Variants in CHST11 observed in about 807,000 individuals in gnomAD.
CHST11 encodes the protein C4S-1.
A neutral mutation model predicts 30.4 loss-of-function variants in CHST11; 9 were observed. That is an observed-to-expected ratio of 0.30 (90% CI 0.18 to 0.52). CHST11 has a LOEUF of 0.52. CHST11 is among the 20% of genes least tolerant of loss of function. The pLI is 0.97. For synonymous variants in CHST11, 152 were observed against 187.8 expected, an observed-to-expected ratio of 0.81 and a Z score of 1.56; for missense variants, 348 against 460.6, an observed-to-expected ratio of 0.76 and a Z score of 2.24.
intron 2 of CHST11, among the ~76,000 whole-genome samples, chr12:104,700,105 A>C (rs150004504): frequency 6.6e-6 from 1 of 152,360 alleles, no homozygotes; most frequent in East Asian, 1.9e-4. Context: ...TTTTACATTT[A>C]AAACACTGGC....
At chr12:104,563,219 T>C (rs1297969876) in intron 1 of CHST11, among the ~76,000 whole-genome samples, 1 of 152,146 alleles carries the variant, frequency 6.6e-6, no homozygotes, top group Non-Finnish European at 1.5e-5. Flanking sequence ...TTTTGTATTT[T>C]CAGTAGAGAT....
At position 104,457,353 on chromosome 12, in the gene CHST11, G is replaced by T; in HGVS notation, c.-59G>T. 7.6e-7 allele frequency: 1 copy of T among 1,311,758 alleles called. No individual in the cohort carries two copies. Among genetic ancestry groups the T allele is most frequent in the Non-Finnish European group, 1.1e-6 (1 of 917,370 alleles). The allele number at this position is 1,311,758 out of a possible 1,614,324, so 81.3% of individuals were successfully genotyped here. A position where few individuals can be genotyped will look rare whatever the true frequency, so the allele number is the denominator to read the frequency against. ...CTCCGGTCCGCGCGGCGGGGTCCCT[G>T]CTCCTGCGCCCCGGGCGCGCTTCCC... is the stretch of plus-strand genomic sequence containing the variant. On this transcript the variant is annotated 5_prime_UTR_variant, in exon 1 of 3. Transcript: ENST00000303694.
chr12:104,726,351 A>G (rs61493287), intron 2 of CHST11, among the ~76,000 whole-genome samples: 1,712 of 152,326 alleles, frequency 0.011, 34 homozygotes, highest in African/African-American at 0.038. Context: ...CCACGCTTGA[A>G]GCAGACACTG....
chr12:104,618,029 C>T (rs968702221), intron 2 of CHST11, among the ~76,000 whole-genome samples: 4 of 151,798 alleles, frequency 2.6e-5, no homozygotes, highest in Non-Finnish European at 5.9e-5. Context: ...CTGCCTCAGC[C>T]TCCCGAGTAG....
intron 1 of CHST11, among the ~76,000 whole-genome samples, chr12:104,547,837 TA>T (rs2038366035): frequency 6.6e-6 from 1 of 152,080 alleles, no homozygotes; most frequent in Non-Finnish European, 1.5e-5. Flanking sequence ...CTCTGTGGAT[TA>T]AAAAAAAGGA....
chr12:104,610,529 C>A (rs1456513199), intron 2 of CHST11, among the ~76,000 whole-genome samples: 1 of 152,190 alleles, frequency 6.6e-6, no homozygotes, highest in East Asian at 1.9e-4. Flanking sequence ...GCTGTACAAT[C>A]TGCCATTTTC....
At chr12:104,606,357 G>A (rs542940956) in intron 2 of CHST11, among the ~76,000 whole-genome samples, 3 of 152,146 alleles carry the variant, frequency 2.0e-5, no homozygotes, top group Non-Finnish European at 4.4e-5. Context: ...GAGAAGGAAG[G>A]TCGGAAGGAA....
At chr12:104,696,938 C>T (rs1394456645) in intron 2 of CHST11, among the ~76,000 whole-genome samples, 1 of 152,198 alleles carries the variant, frequency 6.6e-6, no homozygotes, top group Non-Finnish European at 1.5e-5. Context: ...ATGTCCAGCC[C>T]TGTGGATCCC....
At chr12:104,705,397 G>A (rs1265856607) in intron 2 of CHST11, among the ~76,000 whole-genome samples, 3 of 152,148 alleles carry the variant, frequency 2.0e-5, no homozygotes, top group South Asian at 4.1e-4. Flanking sequence ...GGGGTCGCAG[G>A]TATGTAAAGG....
At position 104,600,582 on chromosome 12, in the gene CHST11, A is replaced by G. The variant is rs2038948649; in HGVS notation, c.119-1324A>G. Among the ~76,000 whole-genome samples the G allele has an allele frequency of 6.6e-6, 1 of 152,214 alleles. No individual in the cohort carries two copies. Among genetic ancestry groups the G allele is most frequent in the South Asian group, 2.1e-4 (1 of 4,834 alleles). On this transcript the variant is annotated intron_variant, in intron 1 of 2. Transcript: ENST00000303694. The surrounding 1 kb of genome is among the most constrained non-coding windows in gnomAD (Gnocchi z 4.1). ...TGCCCCTGTCATTCCCATTTTACAG[A>G]CAAAGAAGCAGAGACACAGAGAGGT... is the stretch of plus-strand genomic sequence containing the variant.
intron 1 of CHST11, among the ~76,000 whole-genome samples, chr12:104,491,289 A>G (rs2037742830): frequency 6.6e-6 from 1 of 152,110 alleles, no homozygotes; most frequent in Non-Finnish European, 1.5e-5. Context: ...GAGTTTTCTG[A>G]GAGTGACCGG....
At chr12:104,614,352 T>A (rs2039087527) in intron 2 of CHST11, among the ~76,000 whole-genome samples, 1 of 152,080 alleles carries the variant, frequency 6.6e-6, no homozygotes, top group South Asian at 2.1e-4. Context: ...GAGACCAGCC[T>A]GGGCCAGATG....
At chr12:104,474,724 C>A (rs2037541471) in intron 1 of CHST11, among the ~76,000 whole-genome samples, 1 of 151,196 alleles carries the variant, frequency 6.6e-6, no homozygotes, top group African/African-American at 2.4e-5. Context: ...AAAACTCCAA[C>A]AAAGTAGAAA....
chr12:104,745,653 C>T (rs2040384295), intron 2 of CHST11, among the ~76,000 whole-genome samples: 1 of 152,168 alleles, frequency 6.6e-6, no homozygotes. Context: ...AGATCTTTCA[C>T]CTCCCTGGTT....
intron 1 of CHST11, among the ~76,000 whole-genome samples, chr12:104,556,889 G>C (rs1172691020): frequency 6.6e-6 from 1 of 151,704 alleles, no homozygotes; most frequent in Non-Finnish European, 1.5e-5. Context: ...GCTGAAGCAG[G>C]AGAATCGCTT....
At chr12:104,503,692 C>T (rs1300537132) in intron 1 of CHST11, among the ~76,000 whole-genome samples, 4 of 152,224 alleles carry the variant, frequency 2.6e-5, no homozygotes, top group South Asian at 2.1e-4. Flanking sequence ...AGCTGGCCTC[C>T]GCTCTCCTGA....
chr12:104,614,335 A>G (rs1541795), intron 2 of CHST11, among the ~76,000 whole-genome samples: 97,959 of 151,840 alleles, frequency 0.65, 31,950 homozygotes, highest in East Asian at 0.91. Flanking sequence ...GAGGATGACA[A>G]GAGTTTGAGA....
intron 1 of CHST11, among the ~76,000 whole-genome samples, chr12:104,556,066 C>T (rs1166127262): frequency 3.9e-5 from 6 of 152,158 alleles, no homozygotes; most frequent in Admixed American, 6.5e-5. Flanking sequence ...GGAGCACATG[C>T]AGGGATGAGC....
At chr12:104,482,471 C>T (rs539536007) in intron 1 of CHST11, among the ~76,000 whole-genome samples, 1 of 152,280 alleles carries the variant, frequency 6.6e-6, no homozygotes, top group South Asian at 2.1e-4. Flanking sequence ...CACCACTTTC[C>T]TAGACCATGT....
Sources: allele counts gnomAD v4.1 joint callset (sites outside exome capture counted in the v4.1 genomes callset), GRCh38; gene constraint gnomAD v4.1.1; non-coding constraint Gnocchi (gnomAD v3.1); transcripts MANE v1.5; gene names NCBI Gene and HGNC (gene_info 2026-07-23, HGNC 2026-07-21).